The following NELFCD variants were observed in gnomAD, a reference collection of about 807,000 sequenced individuals.
The protein encoded by NELFCD is negative elongation factor C/D.
Under a neutral mutation model 72.9 loss-of-function variants are expected in NELFCD, and 48 were observed. The observed-to-expected ratio is 0.66, with a 90% confidence interval of 0.52 to 0.84. The LOEUF (loss-of-function observed/expected upper bound fraction) is 0.84. Among genes scored for constraint, NELFCD ranks in the 40% least tolerant of loss-of-function variants. The probability of loss-of-function intolerance (pLI) is 0.00; values close to 1 mark genes in which losing one functional copy is unlikely to be tolerated. For synonymous variants in NELFCD, 297 were observed against 280.6 expected (o/e 1.06, Z -0.59); for missense variants, 538 against 723.8 (o/e 0.74, Z 2.94).
In NELFCD at chr20:58,987,816, A is replaced by AG; in HGVS notation, c.396+1dup. On this transcript the variant is annotated frameshift_variant and splice_region_variant, in exon 4 of 15. Transcript: ENST00000652272. LOFTEE classifies it high-confidence loss of function. The stretch of plus-strand genomic sequence containing the variant: ...GATTCTATTTTTACTGAAGAAGGAG[A>AG]GGTGAGAAATTATTTTTCTTTGCCT... The AG allele has an allele frequency of 6.2e-7, 1 of 1,612,618 alleles. No homozygotes were observed. The highest frequency in any genetic ancestry group is 8.5e-7 in the Non-Finnish European group (1 of 1,178,644).
At chr20:58,984,748 G>A (rs943355133) in intron 1 of NELFCD, among the ~76,000 whole-genome samples, 1 of 152,152 alleles carries the variant, frequency 6.6e-6, no homozygotes, top group East Asian at 1.9e-4. Context: ...GAGGAAAGAC[G>A]GAGAGAGAGA....
chr20:58,994,864 C>G lies in NELFCD; in HGVS notation c.*188C>G, dbSNP rs1436408266. The stretch of plus-strand genomic sequence containing the variant: ...GAGAAACTGCCCTTACAAACAGTCC[C>G]TTCTCTGCTGTCAATCCAATACTGC... On this transcript the variant is annotated 3_prime_UTR_variant, in exon 15 of 15. Coordinates refer to ENST00000652272, the MANE Select transcript of NELFCD (RefSeq NM_198976.4). 2 of 606,556 alleles carry G rather than the reference C, an allele frequency of 3.3e-6. No individual in the cohort carries two copies. Among genetic ancestry groups the G allele is most frequent in the African/African-American group, 3.7e-5 (2 of 53,488 alleles). The allele number at this position is 606,556 out of a possible 1,614,324, so 37.6% of individuals were successfully genotyped here.
chr20:58,993,109 TGAGGTAA>T lies in NELFCD; in HGVS notation c.1344+2_1344+8del, dbSNP rs762571207. The T allele has an allele frequency of 6.2e-7, 1 of 1,612,658 alleles. No homozygotes were observed. Among genetic ancestry groups the T allele is most frequent in the Non-Finnish European group, 8.5e-7 (1 of 1,178,678 alleles). ...CCCCTGTCCACCTGGCGTTGCTGGA[TGAGGTAA>T]GAGGGCGGAGAGCTGTTCACAGCCT... On this transcript the variant is annotated splice_donor_variant and splice_donor_region_variant and coding_sequence_variant and intron_variant, in exon 11 of 15. Coordinates refer to ENST00000652272, the MANE Select transcript of NELFCD (RefSeq NM_198976.4). LOFTEE classifies it high-confidence loss of function. The surrounding 1 kb of genome is among the most constrained non-coding windows in gnomAD (Gnocchi z 5.0).
Position 58,986,630 on chromosome 20 carries a change from A to C in NELFCD, c.177-124A>C, listed in dbSNP as rs1601212375. ...AGTGCTGGGATTACAGGTGTGCACC[A>C]CTGCACCCAGCCCCCTCCGCTGCTT... On this transcript the variant is annotated intron_variant, in intron 2 of 14. Coordinates refer to ENST00000652272, the MANE Select transcript of NELFCD (RefSeq NM_198976.4). This position sits in a 1 kb window ranked among gnomAD's most constrained non-coding sequence, Gnocchi z 4.4. The C allele has an allele frequency of 3.9e-6, 3 of 773,110 alleles. No individual in the cohort carries two copies. The highest frequency in any genetic ancestry group is 2.4e-5 in the East Asian group (1 of 40,840). 47.9% of individuals were successfully genotyped at this position (773,110 alleles called of 1,614,324 possible).
Position 58,988,969 on chromosome 20 carries a change from A to G in NELFCD, c.452A>G (p.Tyr151Cys). Residue 151 changes from tyrosine (Y) to cysteine (C), a missense_variant, in exon 5 of 15, where the codon TAT (tyrosine) becomes TGT (cysteine). Tyr to Cys is a radical substitution (Grantham distance 194, BLOSUM62 -2). Transcript: ENST00000652272. The stretch of plus-strand genomic sequence containing the variant: ...CATACCACGTGGCGGGACCTTTTTT[A>G]TAAACTGGCTGAAGCCCATCCAGAC... ...IAHTTWRDLF[Y>C]KLAEAHPDCL... The G allele has an allele frequency of 6.2e-7, 1 of 1,614,206 alleles. No individual in the cohort carries two copies. The highest frequency in any genetic ancestry group is 1.7e-5 in the Admixed American group (1 of 60,028).
chr20:58,981,389 G>A lies in NELFCD; in HGVS notation c.60+20G>A. The stretch of plus-strand genomic sequence containing the variant: ...GGCCAGGTGAGGCGGGGCACTGGGC[G>A]CACCCTAGAGAGAATCGTTCGTCTC... On this transcript the variant is annotated intron_variant, in intron 1 of 14. Coordinates refer to ENST00000652272, the MANE Select transcript of NELFCD (RefSeq NM_198976.4). The A allele has an allele frequency of 9.7e-7, 1 of 1,028,872 alleles. No homozygotes were observed. Among genetic ancestry groups the A allele is most frequent in the Non-Finnish European group, 1.2e-6 (1 of 843,692 alleles). 63.7% of individuals were successfully genotyped at this position (1,028,872 alleles called of 1,614,324 possible).
At position 58,993,296 on chromosome 20, in the gene NELFCD, G is replaced by T; in HGVS notation, c.1345-153G>T. The stretch of plus-strand genomic sequence containing the variant: ...TGACTGCAGAAATTTCTTAACCTCA[G>T]TCAAGTGTTACTGGAAGCTGATGGC... On this transcript the variant is annotated intron_variant, in intron 11 of 14. Coordinates refer to ENST00000652272, the MANE Select transcript of NELFCD (RefSeq NM_198976.4). This position sits in a 1 kb window ranked among gnomAD's most constrained non-coding sequence, Gnocchi z 5.0. The T allele has an allele frequency of 1.2e-6, 1 of 838,728 alleles. No individual in the cohort carries two copies. 52.0% of individuals were successfully genotyped at this position (838,728 alleles called of 1,614,324 possible).
intron 1 of NELFCD, among the ~76,000 whole-genome samples, chr20:58,983,020 C>T (rs1222500088): frequency 1.3e-5 from 2 of 151,986 alleles, no homozygotes; most frequent in Admixed American, 1.3e-4. Flanking sequence ...CATCCTTTGC[C>T]TCCGTTGCCA....
chr20:58,993,391 CTCTG>C lies in NELFCD; in HGVS notation c.1345-56_1345-53del. On this transcript the variant is annotated intron_variant, in intron 11 of 14. Transcript: ENST00000652272. The surrounding 1 kb of genome is among the most constrained non-coding windows in gnomAD (Gnocchi z 5.0). ...TGGTGGCTGTGACAGTGCCCAGTTT[CTCTG>C]TGTGCTGAGCGTGACCACACTGCTC... The C allele has an allele frequency of 6.5e-7, 1 of 1,534,392 alleles. No individual in the cohort carries two copies. Among genetic ancestry groups the C allele is most frequent in the Non-Finnish European group, 9.0e-7 (1 of 1,115,478 alleles).
At chr20:58,987,086 G>A in intron 3 of NELFCD, 2 of 496,986 alleles carry the variant, frequency 4.0e-6, no homozygotes, top group Middle Eastern at 5.2e-4. Context: ...CTGGTAGCCT[G>A]CAAACGTGAT....
chr20:58,991,815 CCA>C, intron 9 of NELFCD, 64 bp from the exon 10 acceptor site: 1 of 1,574,918 alleles, frequency 6.3e-7, no homozygotes, highest in East Asian at 2.3e-5. Context: ...GTGGCCGACA[CCA>C]GAACACCCCG....
Position 58,994,674 on chromosome 20 carries a change from T to C in NELFCD, c.1744T>C (p.Ter582GlnextTer124), listed in dbSNP as rs2091846266. 1 of 1,610,612 alleles carries C rather than the reference T, an allele frequency of 6.2e-7. No individual in the cohort carries two copies. Among genetic ancestry groups the C allele is most frequent in the African/African-American group, 1.3e-5 (1 of 74,772 alleles). Residue 582 changes from the stop codon to glutamine (Q), a stop_lost, in exon 15 of 15, where the codon TAA (stop) becomes CAA (glutamine). Coordinates refer to ENST00000652272, the MANE Select transcript of NELFCD (RefSeq NM_198976.4). Reference sequence around the variant, plus strand: ...CAAATCTAACTTCATCATGGTGAACTAATTTAGAGCATCCTCCAGAGCTGA... The same window carrying C: ...CAAATCTAACTTCATCATGGTGAACCAATTTAGAGCATCCTCCAGAGCTGA... ...HCKSNFIMVN* is the reference protein window; with the variant it reads ...HCKSNFIMVNQ
chr20:58,993,243 G>A lies in NELFCD; in HGVS notation c.1344+131G>A. On this transcript the variant is annotated intron_variant, in intron 11 of 14. Coordinates refer to ENST00000652272, the MANE Select transcript of NELFCD (RefSeq NM_198976.4). The surrounding 1 kb of genome is among the most constrained non-coding windows in gnomAD (Gnocchi z 5.0). Reference sequence around the variant, plus strand: ...CAAAAATAGTTATTTCTGTCCTGAGGATTTTCCTCTTAAGGACCTAGCTTC... The same window carrying A: ...CAAAAATAGTTATTTCTGTCCTGAGAATTTTCCTCTTAAGGACCTAGCTTC... The A allele has an allele frequency of 3.5e-6, 3 of 864,448 alleles. No homozygotes were observed. Among genetic ancestry groups the A allele is most frequent in the Middle Eastern group, 2.7e-4 (1 of 3,734 alleles). The allele number at this position is 864,448 out of a possible 1,614,324, so 53.5% of individuals were successfully genotyped here.
Position 58,994,109 on chromosome 20 carries a change from G to C in NELFCD, c.1582-1G>C. ...AAGTCACCCTGTGCTCCCCCACGCA[G>C]GTGCTGGACGTCATTGCTCCTCCTT... On this transcript the variant is annotated splice_acceptor_variant, in intron 13 of 14. Transcript: ENST00000652272. LOFTEE classifies it high-confidence loss of function. 1 of 1,614,106 alleles carries C rather than the reference G, an allele frequency of 6.2e-7. No homozygotes were observed. Among genetic ancestry groups the C allele is most frequent in the Non-Finnish European group, 8.5e-7 (1 of 1,179,984 alleles).
At chr20:58,984,608 T>C (rs970090192) in intron 1 of NELFCD, among the ~76,000 whole-genome samples, 2 of 152,094 alleles carry the variant, frequency 1.3e-5, no homozygotes, top group East Asian at 1.9e-4. Context: ...TACGGAAATA[T>C]GGGTTGTAGG....
intron 7 of NELFCD, 73 bp from the exon 8 acceptor site, chr20:58,990,836 AT>A: frequency 7.6e-7 from 1 of 1,312,182 alleles, no homozygotes; most frequent in South Asian, 1.3e-5. Flanking sequence ...AATGCAAAGT[AT>A]TATATGTGTA....
intron 10 of NELFCD, among the ~76,000 whole-genome samples, chr20:58,992,614 C>T (rs1373931861): frequency 3.3e-5 from 5 of 152,124 alleles, no homozygotes; most frequent in East Asian, 3.9e-4. Flanking sequence ...GCAGAGCTTA[C>T]GCCAGGCACA....
Position 58,986,851 on chromosome 20 carries a change from C to G in NELFCD, c.274C>G (p.Leu92Val). 6.2e-7 allele frequency: 1 copy of G among 1,612,916 alleles called. No individual in the cohort carries two copies. Among genetic ancestry groups the G allele is most frequent in the Non-Finnish European group, 8.5e-7 (1 of 1,179,050 alleles). ...GACTGTGAACCTGCTGGCCGAGTGG[C>G]TCATTCAGACAGGTGCTTTGTGGGT... is the stretch of plus-strand genomic sequence containing the variant. ...AQTVNLLAEW[L>V]IQTGVEPVQV... Residue 92 changes from leucine to valine, a missense_variant, in exon 3 of 15, where the codon CTC becomes GTC. Transcript: ENST00000652272. This position sits in a 1 kb window ranked among gnomAD's most constrained non-coding sequence, Gnocchi z 4.4.
At chr20:58,983,426 G>A (rs111769360) in intron 1 of NELFCD, among the ~76,000 whole-genome samples, 17,723 of 146,326 alleles carry the variant, frequency 0.12, 1,154 homozygotes, top group Middle Eastern at 0.21. Flanking sequence ...GTGAGCCACC[G>A]CACCCGGCCT....
Sources: allele counts gnomAD v4.1 joint callset (sites outside exome capture counted in the v4.1 genomes callset), GRCh38; gene constraint gnomAD v4.1.1; non-coding constraint Gnocchi (gnomAD v3.1); transcripts MANE v1.5; gene names NCBI Gene and HGNC (gene_info 2026-07-23, HGNC 2026-07-21).